PCCA: variants seen among roughly 807,000 people sequenced by gnomAD.
PCCA encodes the protein propionyl-CoA carboxylase subunit alpha.
Under a neutral mutation model 101.3 loss-of-function variants are expected in PCCA, and 74 were observed. The ratio of observed to expected loss-of-function variants is 0.73; its 90% CI spans 0.61 to 0.89. PCCA has a LOEUF of 0.89. Among genes scored for constraint, PCCA ranks in the 40% least tolerant of loss-of-function variants. The probability of loss-of-function intolerance (pLI) is 0.00; values close to 1 mark genes in which losing one functional copy is unlikely to be tolerated. For synonymous variants in PCCA, 294 were observed against 313.6 expected (o/e 0.94, Z 0.66); for missense variants, 891 against 907.0 (o/e 0.98, Z 0.23).
At chr13:100,205,194 A>C (rs1800536527) in intron 6 of PCCA, among the ~76,000 whole-genome samples, 1 of 152,194 alleles carries the variant, frequency 6.6e-6, no homozygotes, top group African/African-American at 2.4e-5. Context: ...AGAGTATCGA[A>C]GGTTACTAGT....
At chr13:100,213,324 A>G (rs1594760148) in intron 7 of PCCA, among the ~76,000 whole-genome samples, 1 of 152,146 alleles carries the variant, frequency 6.6e-6, no homozygotes, top group African/African-American at 2.4e-5. Context: ...ACTGTTCTCC[A>G]CAGTGGCTTT....
rs77073473 is a variant in PCCA, at chr13:100,096,032, C to G, written c.105+6807C>G. The stretch of plus-strand genomic sequence containing the variant: ...GCTAGGGCACTGGAGTTGCTGAGAA[C>G]TGGTCAGACTTGGAATGTATTTTGG... On this transcript the variant is annotated intron_variant, in intron 1 of 23. Transcript: ENST00000376285. Among the ~76,000 whole-genome samples, 443 of 152,262 alleles carry G rather than the reference C, an allele frequency of 2.9e-3. 1 individual carries two copies. The highest frequency in any genetic ancestry group is 0.01 in the African/African-American group (424 of 41,544).
chr13:100,435,718 C>T (rs996757892), intron 20 of PCCA, among the ~76,000 whole-genome samples: 1 of 152,052 alleles, frequency 6.6e-6, no homozygotes, highest in African/African-American at 2.4e-5. Flanking sequence ...AATGAAGCAA[C>T]AACAGAACAA....
At chr13:100,214,609 G>C (rs920845621) in intron 7 of PCCA, among the ~76,000 whole-genome samples, 2 of 151,894 alleles carry the variant, frequency 1.3e-5, no homozygotes, top group Non-Finnish European at 2.9e-5. Flanking sequence ...TTTGTTTTTA[G>C]TAGAGACGGG....
At chr13:100,298,715 C>A (rs988502080) in intron 12 of PCCA, among the ~76,000 whole-genome samples, 3 of 116,906 alleles carry the variant, frequency 2.6e-5, no homozygotes, top group Non-Finnish European at 5.3e-5. Flanking sequence ...TCCTTCCTTC[C>A]TTCCTTCCTT....
At chr13:100,131,123 A>G (rs1039566727) in intron 4 of PCCA, among the ~76,000 whole-genome samples, 8 of 152,130 alleles carry the variant, frequency 5.3e-5, no homozygotes, top group Non-Finnish European at 1.0e-4. Context: ...ATGTTGCTCT[A>G]AAGAGAAAAA....
chr13:100,427,941 T>C (rs906048292), intron 20 of PCCA, among the ~76,000 whole-genome samples: 2 of 152,224 alleles, frequency 1.3e-5, no homozygotes, highest in East Asian at 3.8e-4. Context: ...TATGAACTTC[T>C]TTGATCTTCA....
At chr13:100,523,640 C>T (rs753171297) in intron 22 of PCCA, among the ~76,000 whole-genome samples, 8 of 152,174 alleles carry the variant, frequency 5.3e-5, no homozygotes, top group Admixed American at 2.0e-4. Flanking sequence ...TAATGAGTGC[C>T]GCTCTGATAA....
chr13:100,499,664 C>T (rs2085527107), intron 21 of PCCA, among the ~76,000 whole-genome samples: 1 of 152,236 alleles, frequency 6.6e-6, no homozygotes, highest in African/African-American at 2.4e-5. Flanking sequence ...ATGCTGCATC[C>T]GTACCTCTGT....
chr13:100,518,128 A>C (rs1432969559), intron 22 of PCCA, among the ~76,000 whole-genome samples: 1 of 152,176 alleles, frequency 6.6e-6, no homozygotes, highest in African/African-American at 2.4e-5. Context: ...CCCTAAAACA[A>C]CTAAGGGCCT....
intron 16 of PCCA, among the ~76,000 whole-genome samples, chr13:100,327,801 G>A (rs921730066): frequency 6.6e-6 from 1 of 152,192 alleles, no homozygotes; most frequent in Non-Finnish European, 1.5e-5. Context: ...TAACAATAAT[G>A]ATGTTGAACA....
intron 7 of PCCA, among the ~76,000 whole-genome samples, chr13:100,226,268 T>G (rs2060137662): frequency 6.6e-6 from 1 of 152,192 alleles, no homozygotes; most frequent in Non-Finnish European, 1.5e-5. Context: ...GATATAACTC[T>G]TACCTGTAGT....
At position 100,408,871 on chromosome 13, in the gene PCCA, A is replaced by C. The variant is rs932077994; in HGVS notation, c.1747-16762A>C. Among the ~76,000 whole-genome samples, 20 of 152,240 alleles carry C rather than the reference A, an allele frequency of 1.3e-4. 1 individual carries two copies. Among genetic ancestry groups the C allele is most frequent in the Admixed American group, 5.2e-4 (8 of 15,284 alleles). ...CTGTTGACAGGGTAAAGTAGGAAAAAAACAACAACAAAACAACAGCAGGTT... is the reference window on the plus strand; with the variant it reads ...CTGTTGACAGGGTAAAGTAGGAAAACAACAACAACAAAACAACAGCAGGTT... On this transcript the variant is annotated intron_variant, in intron 19 of 23. Coordinates refer to ENST00000376285, the MANE Select transcript of PCCA (RefSeq NM_000282.4).
At chr13:100,326,522 C>T (rs2068702272) in intron 16 of PCCA, among the ~76,000 whole-genome samples, 2 of 152,134 alleles carry the variant, frequency 1.3e-5, no homozygotes, top group Admixed American at 6.5e-5. Flanking sequence ...CATATAGAAA[C>T]ATTTTTAGAG....
At chr13:100,424,392 T>C (rs761594029) in intron 19 of PCCA, among the ~76,000 whole-genome samples, 20 of 152,146 alleles carry the variant, frequency 1.3e-4, no homozygotes, top group Non-Finnish European at 2.5e-4. Flanking sequence ...GAGTTCCCCA[T>C]ACTGTGTGGT....
At chr13:100,103,006 T>C (rs761478910) in intron 2 of PCCA, 46 bp downstream of exon 2, 10 of 1,275,296 alleles carry the variant, frequency 7.8e-6, no homozygotes, top group Non-Finnish European at 1.0e-5. Flanking sequence ...AAACTTATCA[T>C]GGTTTTACTT....
At chr13:100,430,832 C>G (rs1225756102) in intron 20 of PCCA, among the ~76,000 whole-genome samples, 1 of 152,154 alleles carries the variant, frequency 6.6e-6, no homozygotes, top group Non-Finnish European at 1.5e-5. Context: ...ATGTGCCCAT[C>G]AGTAGTGAAG....
At chr13:100,110,991 C>T (rs1002399935) in intron 2 of PCCA, among the ~76,000 whole-genome samples, 3 of 150,980 alleles carry the variant, frequency 2.0e-5, no homozygotes, top group South Asian at 2.1e-4. Context: ...ACCATCACGC[C>T]GGCTAATTTT....
intron 21 of PCCA, among the ~76,000 whole-genome samples, chr13:100,489,149 C>CA (rs71114700): frequency 0.22 from 33,109 of 151,032 alleles, 4,685 homozygotes; most frequent in East Asian, 0.55. Flanking sequence ...ACTAAAAATA[C>CA]AAAAAAAAAT....
Sources: gnomAD v4.1 joint callset for allele counts (sites outside exome capture counted in the v4.1 genomes callset) on GRCh38, gnomAD v4.1.1 for gene constraint, MANE v1.5 for transcripts, NCBI Gene and HGNC (gene_info 2026-07-23, HGNC 2026-07-21) for gene names.